CPQ: variants seen among roughly 807,000 people sequenced by gnomAD.
CPQ encodes carboxypeptidase Q, also known as Ser-Met dipeptidase.
CPQ carries 37 observed loss-of-function variants against 45.7 expected under a neutral mutation model. The ratio of observed to expected loss-of-function variants is 0.81; its 90% CI spans 0.62 to 1.07. The LOEUF is 1.07. Ranked by LOEUF, CPQ falls within the 50% of genes least tolerant of loss-of-function variation. The pLI is 0.00. For missense variants in CPQ, 537 were observed against 572.9 expected, an observed-to-expected ratio of 0.94 and a Z score of 0.64; for synonymous variants, 186 against 205.8, an observed-to-expected ratio of 0.90 and a Z score of 0.82.
In CPQ at chr8:97,127,930, C is replaced by T. The variant is rs144727183; in HGVS notation, c.1256-15090C>T. 3.5e-3 allele frequency among the ~76,000 whole-genome samples: 532 copies of T among 152,150 alleles called. 2 individuals are homozygous for T. Among genetic ancestry groups the T allele is most frequent in the South Asian group, 0.016 (76 of 4,820 alleles). On this transcript the variant is annotated intron_variant, in intron 7 of 7. Coordinates refer to ENST00000220763, the MANE Select transcript of CPQ (RefSeq NM_016134.4). ...GAATCAAACCAATGGTTGCCCGAGA[C>T]GGGGGTGGGAAGGAATGGACTGAAA...
intron 4 of CPQ, among the ~76,000 whole-genome samples, chr8:96,957,303 C>T (rs1813372740): frequency 6.6e-6 from 1 of 152,128 alleles, no homozygotes; most frequent in South Asian, 2.1e-4. Flanking sequence ...CACAGACTAT[C>T]ATGGCTGGGT....
chr8:97,093,186 G>A (rs1490661285), intron 7 of CPQ, among the ~76,000 whole-genome samples: 1 of 152,108 alleles, frequency 6.6e-6, no homozygotes, highest in Non-Finnish European at 1.5e-5. Context: ...TGGCAAAGTT[G>A]CAGAGAAAAA....
intron 1 of CPQ, among the ~76,000 whole-genome samples, chr8:96,709,991 C>T (rs868632311): frequency 1.6e-4 from 25 of 151,884 alleles, no homozygotes; most frequent in Admixed American, 4.6e-4. Flanking sequence ...GATGGATTTC[C>T]CCTATGAATC....
chr8:96,883,104 T>C (rs1054722873), intron 4 of CPQ, among the ~76,000 whole-genome samples: 1 of 152,232 alleles, frequency 6.6e-6, no homozygotes, highest in Non-Finnish European at 1.5e-5. Flanking sequence ...TTGATTCAGT[T>C]GTTTCTTCCT....
At chr8:96,767,154 A>T (rs1021217680) in intron 1 of CPQ, among the ~76,000 whole-genome samples, 4 of 152,210 alleles carry the variant, frequency 2.6e-5, no homozygotes, top group African/African-American at 9.6e-5. Context: ...TTCAAAGGGA[A>T]CAATTTCCTG....
chr8:96,700,626 A>G (rs1809445731), intron 1 of CPQ, among the ~76,000 whole-genome samples: 1 of 152,216 alleles, frequency 6.6e-6, no homozygotes, highest in South Asian at 2.1e-4. Context: ...AACCAGACCT[A>G]GCTAGAAGGG....
At chr8:96,910,231 A>G (rs1812639800) in intron 4 of CPQ, among the ~76,000 whole-genome samples, 1 of 152,156 alleles carries the variant, frequency 6.6e-6, no homozygotes, top group Non-Finnish European at 1.5e-5. Flanking sequence ...CAGAGAGGTT[A>G]AATGCCTTGC....
chr8:96,993,664 C>T (rs923986204), intron 5 of CPQ, among the ~76,000 whole-genome samples: 6 of 151,886 alleles, frequency 4.0e-5, no homozygotes, highest in Admixed American at 2.6e-4. Flanking sequence ...ATTTTATACA[C>T]GATATTATGC....
At chr8:96,670,975 C>T (rs544788918) in intron 1 of CPQ, among the ~76,000 whole-genome samples, 5 of 152,188 alleles carry the variant, frequency 3.3e-5, no homozygotes, top group African/African-American at 7.2e-5. Context: ...TGGACTGTCT[C>T]AATGGCAGTA....
chr8:97,137,582 C>A (rs1047752673), intron 7 of CPQ, among the ~76,000 whole-genome samples: 1 of 152,194 alleles, frequency 6.6e-6, no homozygotes, highest in South Asian at 2.1e-4. Context: ...CTAGCTACTA[C>A]CAGAGTAAAC....
intron 5 of CPQ, among the ~76,000 whole-genome samples, chr8:97,018,146 C>T (rs938572275): frequency 3.9e-5 from 6 of 152,114 alleles, no homozygotes; most frequent in African/African-American, 7.2e-5. Flanking sequence ...ACAATCACTA[C>T]AGCTCAGCTC....
At chr8:96,655,169 T>C (rs1371484405) in intron 1 of CPQ, among the ~76,000 whole-genome samples, 1 of 152,114 alleles carries the variant, frequency 6.6e-6, no homozygotes, top group Non-Finnish European at 1.5e-5. Flanking sequence ...TTCTGGCCAT[T>C]TTTCTCTCTC....
chr8:96,985,568 A>T (rs1215321250), intron 5 of CPQ, among the ~76,000 whole-genome samples: 1 of 152,172 alleles, frequency 6.6e-6, no homozygotes, highest in Non-Finnish European at 1.5e-5. Flanking sequence ...AGAACAGGAA[A>T]ATCAGGACAA....
intron 6 of CPQ, among the ~76,000 whole-genome samples, chr8:97,050,946 A>G (rs1031157185): frequency 6.6e-6 from 1 of 152,212 alleles, no homozygotes; most frequent in Non-Finnish European, 1.5e-5. Context: ...TATTAAATTT[A>G]TATAATCCTC....
At chr8:96,801,715 A>G (rs1811009505) in intron 2 of CPQ, among the ~76,000 whole-genome samples, 1 of 152,138 alleles carries the variant, frequency 6.6e-6, no homozygotes, top group Non-Finnish European at 1.5e-5. Flanking sequence ...AGGAGAGTAG[A>G]TGACTAAATA....
At chr8:96,722,565 G>A (rs944969003) in intron 1 of CPQ, among the ~76,000 whole-genome samples, 3 of 152,166 alleles carry the variant, frequency 2.0e-5, no homozygotes, top group African/African-American at 7.2e-5. Context: ...TCTACATGAA[G>A]TTTCCTATGC....
chr8:96,876,791 A>C (rs1395524415), intron 3 of CPQ, among the ~76,000 whole-genome samples: 2 of 152,122 alleles, frequency 1.3e-5, no homozygotes, highest in African/African-American at 2.4e-5. Context: ...TGTTTGTGGT[A>C]TATAATCCTT....
rs372111144 is a variant in CPQ at position 96,765,123 on chromosome 8, T to C, written c.-34-19741T>C. Among the ~76,000 whole-genome samples, 7 of 152,234 alleles carry C rather than the reference T, an allele frequency of 4.6e-5. No homozygotes were observed. The East Asian group carries it at 1.3e-3, about 29-fold the overall frequency. On this transcript the variant is annotated intron_variant, in intron 1 of 7. Transcript: ENST00000220763. ...CTTTTTGCTGGTTTTCTGGGTTGAT[T>C]AGACTTTGCTAATTGACAGAGTGTT...
chr8:96,805,919 G>A (rs1440765728), intron 2 of CPQ, among the ~76,000 whole-genome samples: 2 of 152,092 alleles, frequency 1.3e-5, no homozygotes, highest in African/African-American at 4.8e-5. Flanking sequence ...GGCCAGTAAC[G>A]GGGTTGCATA....
Sources: gnomAD v4.1 joint callset for allele counts (sites outside exome capture counted in the v4.1 genomes callset) on GRCh38, gnomAD v4.1.1 for gene constraint, MANE v1.5 for transcripts, NCBI Gene and HGNC (gene_info 2026-07-23, HGNC 2026-07-21) for gene names.